Variants in ATRX observed in about 807,000 individuals in gnomAD.
ATRX encodes the protein chromatin remodeler ATRX.
Under a neutral mutation model 172.6 loss-of-function variants are expected in ATRX, and 12 were observed. The ratio of observed to expected loss-of-function variants is 0.07; its 90% CI spans 0.04 to 0.11. The LOEUF is 0.11. Among genes scored for constraint, ATRX ranks in the 10% least tolerant of loss-of-function variants. ATRX has a pLI of 1.00. For synonymous variants in ATRX, 674 were observed against 594.7 expected, an observed-to-expected ratio of 1.13 and a Z score of -1.94; for missense variants, 1,368 against 1,767.4, an observed-to-expected ratio of 0.77 and a Z score of 4.05.
In ATRX at chrX:77,513,316, C is replaced by CAAA. The variant is rs1217104194; in HGVS notation, c.7201-4690_7201-4688dup. Among the ~76,000 whole-genome samples the CAAA allele has an allele frequency of 3.4e-3, 87 of 25,470 alleles. 2 individuals are homozygous for CAAA. The highest frequency in any genetic ancestry group is 0.059 in the Middle Eastern group (1 of 17). 22.1% of individuals were successfully genotyped at this position (25,470 alleles called of 115,157 possible). ...TGGGCGACAGAGCGAGACTCCGTCT[C>CAAA]AAAAAAAAAAAAAAAAAAAAAAAAA... On this transcript the variant is annotated intron_variant, in intron 34 of 34. Coordinates refer to ENST00000373344, the MANE Select transcript of ATRX (RefSeq NM_000489.6).
chrX:77,725,873 T>C (rs1439502030), intron 1 of ATRX, among the ~76,000 whole-genome samples: 5 of 112,451 alleles, frequency 4.4e-5, no homozygotes, highest in African/African-American at 1.6e-4. Context: ...CATGTAAAAA[T>C]GCTCATCATC....
At chrX:77,651,957 A>T in intron 15 of ATRX, 157 bp downstream of exon 15, 1 of 491,975 alleles carries the variant, frequency 2.0e-6, no homozygotes. Flanking sequence ...AATAGAAATA[A>T]ATTAAGGCTG....
At chrX:77,549,512 T>A (rs910775043) in intron 30 of ATRX, among the ~76,000 whole-genome samples, 1 of 112,638 alleles carries the variant, frequency 8.9e-6, no homozygotes, top group Non-Finnish European at 1.9e-5. Flanking sequence ...AGCTATCAAT[T>A]TAACATTTAC....
At position 77,682,479 on chromosome X, in the gene ATRX, C is replaced by T. The variant is rs2071271385; in HGVS notation, c.2777G>A (p.Gly926Glu). 8.3e-7 allele frequency: 1 copy of T among 1,211,424 alleles called. No individual in the cohort carries two copies. Among genetic ancestry groups the T allele is most frequent in the Non-Finnish European group, 1.1e-6 (1 of 895,336 alleles). ...CAAAGAAGTAAAACTCTCCTCTTTC[C>T]CAGAAAGCTTATCGACACCATCAGT... ...ASTDGVDKLS[G>E]KEESFTSLEV... is the part of the protein sequence containing the mutation. The change falls in exon 9 of 35, where the codon GGG becomes GAG. Residue 926 changes from glycine to glutamate, a missense_variant. Coordinates refer to ENST00000373344, the MANE Select transcript of ATRX (RefSeq NM_000489.6).
At chrX:77,531,117 G>A (rs1796787469) in intron 30 of ATRX, among the ~76,000 whole-genome samples, 1 of 111,578 alleles carries the variant, frequency 9.0e-6, no homozygotes, top group African/African-American at 3.3e-5. Flanking sequence ...CTAGTAACAT[G>A]TTCTGAAATT....
chrX:77,582,721 T>A (rs1399054356), intron 27 of ATRX, among the ~76,000 whole-genome samples: 1 of 111,792 alleles, frequency 8.9e-6, no homozygotes, highest in African/African-American at 3.2e-5. Context: ...AGCAACTATA[T>A]GCCGATAAAT....
intron 1 of ATRX, among the ~76,000 whole-genome samples, chrX:77,718,265 G>A (rs1399003703): frequency 9.2e-6 from 1 of 108,534 alleles, no homozygotes; most frequent in Non-Finnish European, 1.9e-5. Flanking sequence ...TAGAAGAACT[G>A]TCTAACTGAC....
chrX:77,660,596 TA>T (rs1197337296), intron 12 of ATRX, among the ~76,000 whole-genome samples: 6 of 108,242 alleles, frequency 5.5e-5, no homozygotes, highest in East Asian at 2.8e-4. Flanking sequence ...ATAATAAAAA[TA>T]AAAAAATAAT....
At chrX:77,783,144 A>G (rs1350218957) in intron 1 of ATRX, among the ~76,000 whole-genome samples, 1 of 111,789 alleles carries the variant, frequency 8.9e-6, no homozygotes, top group Non-Finnish European at 1.9e-5. Context: ...CTGAGGCATG[A>G]GAATCACTTG....
At chrX:77,773,988 C>T (rs375145794) in intron 1 of ATRX, among the ~76,000 whole-genome samples, 9 of 110,426 alleles carry the variant, frequency 8.2e-5, no homozygotes, top group East Asian at 5.7e-4. Flanking sequence ...TTTGGGAGTC[C>T]GAGGCGGGCA....
At chrX:77,517,699 CCAGA>C (rs2063099474) in intron 34 of ATRX, among the ~76,000 whole-genome samples, 1 of 111,666 alleles carries the variant, frequency 9.0e-6, no homozygotes, top group Non-Finnish European at 1.9e-5. Context: ...AATACCAAAA[CCAGA>C]CAAACACATC....
At chrX:77,758,393 G>GA (rs782176611) in intron 1 of ATRX, among the ~76,000 whole-genome samples, 66 of 89,956 alleles carry the variant, frequency 7.3e-4, no homozygotes, top group East Asian at 1.0e-3. Context: ...TCCATCTCAA[G>GA]AAAAAAAAAA....
chrX:77,509,872 T>C (rs1302406714), intron 34 of ATRX, among the ~76,000 whole-genome samples: 1 of 76,499 alleles, frequency 1.3e-5, no homozygotes, highest in Non-Finnish European at 2.4e-5. Flanking sequence ...AGAGTCCAAG[T>C]CCTGTACTGT....
intron 1 of ATRX, 77 bp from the exon 2 acceptor site, chrX:77,717,320 G>C: frequency 3.8e-6 from 3 of 795,653 alleles, no homozygotes; most frequent in Non-Finnish European, 3.8e-6. Context: ...CTAGCAAACT[G>C]AAAATATAGC....
At chrX:77,628,784 T>A (rs1441492987) in intron 19 of ATRX, among the ~76,000 whole-genome samples, 14 of 111,405 alleles carry the variant, frequency 1.3e-4, no homozygotes, top group Non-Finnish European at 2.6e-4. Flanking sequence ...ATTCTTTTAT[T>A]TTTTTGTAGA....
intron 28 of ATRX, among the ~76,000 whole-genome samples, chrX:77,573,049 T>C (rs918112366): frequency 2.0e-4 from 23 of 112,376 alleles, no homozygotes; most frequent in African/African-American, 7.4e-4. Context: ...TTAAATGCCA[T>C]GCTTTCTTAT....
intron 1 of ATRX, among the ~76,000 whole-genome samples, chrX:77,729,514 T>C (rs1456236890): frequency 8.9e-6 from 1 of 112,417 alleles, no homozygotes; most frequent in Admixed American, 9.5e-5. Flanking sequence ...AATAAAGACA[T>C]GTATGACGCA....
intron 19 of ATRX, among the ~76,000 whole-genome samples, chrX:77,631,858 A>G (rs564108822): frequency 2.7e-5 from 3 of 112,402 alleles, no homozygotes; most frequent in African/African-American, 9.7e-5. Context: ...TCAATTTCTT[A>G]GTTTTGACAA....
intron 1 of ATRX, among the ~76,000 whole-genome samples, chrX:77,749,460 C>T (rs1557186541): frequency 2.7e-5 from 3 of 110,973 alleles, no homozygotes; most frequent in Non-Finnish European, 5.7e-5. Flanking sequence ...ATTTCCTTTT[C>T]GATATATACT....
Sources: allele counts gnomAD v4.1 joint callset (sites outside exome capture counted in the v4.1 genomes callset), GRCh38; gene constraint gnomAD v4.1.1; transcripts MANE v1.5; gene names NCBI Gene and HGNC (gene_info 2026-07-23, HGNC 2026-07-21).